The following USP48 variants were observed in gnomAD, a reference collection of about 807,000 sequenced individuals.
USP48 encodes ubiquitin specific peptidase 48.
A neutral mutation model predicts 150.7 loss-of-function variants in USP48; 43 were observed. The ratio of observed to expected loss-of-function variants is 0.29; its 90% CI spans 0.22 to 0.37. The LOEUF is 0.37. USP48 is among the 10% of genes least tolerant of loss of function. USP48 has a pLI of 1.00. For missense variants in USP48, 813 were observed against 1,249.6 expected (o/e 0.65, Z 5.27); for synonymous variants, 396 against 425.9 (o/e 0.93, Z 0.86).
intron 6 of USP48, among the ~76,000 whole-genome samples, chr1:21,751,141 C>G (rs1031686572): frequency 6.6e-6 from 1 of 152,078 alleles, no homozygotes; most frequent in African/African-American, 2.4e-5. Context: ...GCAGAATGAC[C>G]ATATCAATGT....
Position 21,687,212 on chromosome 1 carries a change from C to A in USP48, c.3037G>T (p.Ala1013Ser), listed in dbSNP as rs1273091851. The change falls in exon 25 of 27, where the codon GCA becomes TCA. Residue 1013 changes from alanine (A) to serine (S), a missense_variant. Coordinates refer to ENST00000308271, the MANE Select transcript of USP48 (RefSeq NM_032236.8). Reference protein sequence around the residue: ...KADEPIADYAAMDDVMQVCMP... With the variant: ...KADEPIADYASMDDVMQVCMP... ...TTACCTTGCATGACATCATCCATTG[C>A]AGCATAATCTGCAATTGGTTCATCA... 1.2e-6 allele frequency: 2 copies of A among 1,613,102 alleles called. No homozygotes were observed. Among genetic ancestry groups the A allele is most frequent in the Admixed American group, 1.7e-5 (1 of 59,960 alleles).
chr1:21,759,590 C>G (rs1368081439), intron 1 of USP48, among the ~76,000 whole-genome samples: 1 of 152,126 alleles, frequency 6.6e-6, no homozygotes, highest in African/African-American at 2.4e-5. Flanking sequence ...AAATGATGTA[C>G]TGAAAGATGG....
intron 4 of USP48, 120 bp downstream of exon 4, chr1:21,752,872 A>T (rs2097820171): frequency 7.4e-7 from 1 of 1,357,500 alleles, no homozygotes; most frequent in Non-Finnish European, 9.8e-7. Context: ...AAAGGTTTTC[A>T]TTCAAAATAG....
rs1021966178 is a variant in USP48 at position 21,720,808 on chromosome 1, G to A, written c.1894+228C>T. Among the ~76,000 whole-genome samples, 11 of 151,960 alleles carry A rather than the reference G, an allele frequency of 7.2e-5. 1 individual carries two copies. The highest frequency in any genetic ancestry group is 5.9e-4 in the Admixed American group (9 of 15,250). ...GGCCTCCTAAAGTGCTGGGATTATA[G>A]GCATGAACCACCGCACCCAGACTAA... On this transcript the variant is annotated intron_variant, in intron 14 of 26. Transcript: ENST00000308271.
intron 23 of USP48, among the ~76,000 whole-genome samples, chr1:21,692,027 C>G (rs2097603053): frequency 6.6e-6 from 1 of 152,092 alleles, no homozygotes; most frequent in Admixed American, 6.5e-5. Flanking sequence ...TGTAACAGGG[C>G]CCAAGAGCTT....
At chr1:21,758,146 T>C (rs1449366959) in intron 1 of USP48, among the ~76,000 whole-genome samples, 1 of 149,596 alleles carries the variant, frequency 6.7e-6, no homozygotes, top group East Asian at 2.0e-4. Context: ...AAATAGACAA[T>C]ATGGTACATC....
chr1:21,697,266 AGT>A (rs2097637171), intron 22 of USP48, among the ~76,000 whole-genome samples: 1 of 151,958 alleles, frequency 6.6e-6, no homozygotes, highest in African/African-American at 2.4e-5. Context: ...TAGGCAACTG[AGT>A]GATTCTAAGA....
chr1:21,679,277 T>C lies in USP48; in HGVS notation c.*140A>G. The C allele has an allele frequency of 9.7e-7, 1 of 1,030,862 alleles. No homozygotes were observed. Among genetic ancestry groups the C allele is most frequent in the Non-Finnish European group, 1.5e-6 (1 of 664,460 alleles). 63.9% of individuals were successfully genotyped at this position (1,030,862 alleles called of 1,614,324 possible). The stretch of plus-strand genomic sequence containing the variant: ...ATTTGACATAAGGCATTTGGGACAG[T>C]CACGTTTGAATGGATTTCTGCCTTT... On this transcript the variant is annotated 3_prime_UTR_variant, in exon 27 of 27. Coordinates refer to ENST00000308271, the MANE Select transcript of USP48 (RefSeq NM_032236.8).
At chr1:21,762,370 G>A (rs1280363492) in intron 1 of USP48, among the ~76,000 whole-genome samples, 1 of 152,116 alleles carries the variant, frequency 6.6e-6, no homozygotes, top group Non-Finnish European at 1.5e-5. Context: ...AGGTTCTTTC[G>A]AAAGAAAATT....
intron 12 of USP48, among the ~76,000 whole-genome samples, chr1:21,722,896 G>A (rs1381612620): frequency 6.6e-6 from 1 of 152,114 alleles, no homozygotes; most frequent in Non-Finnish European, 1.5e-5. Context: ...GTGTTTAACA[G>A]AAGGCCTGCA....
chr1:21,679,405 A>G lies in USP48; in HGVS notation c.*12T>C, dbSNP rs2097559181. On this transcript the variant is annotated 3_prime_UTR_variant, in exon 27 of 27. Transcript: ENST00000308271. ...TCTGGTCATTTCTTAGCAGTCAGCA[A>G]GTATTCAAAGATTAATGTCCAAGAA... 1 of 1,614,024 alleles carries G rather than the reference A, an allele frequency of 6.2e-7. No homozygotes were observed. Among genetic ancestry groups the G allele is most frequent in the African/African-American group, 1.3e-5 (1 of 74,940 alleles).
At chr1:21,740,037 G>A (rs1440917978) in intron 8 of USP48, among the ~76,000 whole-genome samples, 12 of 152,322 alleles carry the variant, frequency 7.9e-5, no homozygotes, top group African/African-American at 2.4e-4. Flanking sequence ...TCAGCTTCCC[G>A]AGTAGCTGGG....
At chr1:21,757,228 G>A (rs2097838814) in intron 2 of USP48, among the ~76,000 whole-genome samples, 1 of 151,636 alleles carries the variant, frequency 6.6e-6, no homozygotes, top group Admixed American at 6.6e-5. Context: ...TAACAAACTT[G>A]GATATTTCGT....
chr1:21,752,572 T>C lies in USP48; in HGVS notation c.620A>G (p.Asn207Ser), dbSNP rs2097819310. The change falls in exon 5 of 27, where the codon AAT becomes AGT. Residue 207 changes from asparagine to serine, a missense_variant. Coordinates refer to ENST00000308271, the MANE Select transcript of USP48 (RefSeq NM_032236.8). The stretch of plus-strand genomic sequence containing the variant: ...TCCACAGAACTGCTGTTGAACAATA[T>C]TGCGCACATCTGGATTCTTTTGTTT... ...LSKQKNPDVR[N>S]IVQQQFCGEY... 1 of 1,613,412 alleles carries C rather than the reference T, an allele frequency of 6.2e-7. No homozygotes were observed. The highest frequency in any genetic ancestry group is 1.7e-5 in the Admixed American group (1 of 59,734).
chr1:21,701,576 C>A lies in USP48; in HGVS notation c.2649G>T (p.Leu883=). 6.2e-7 allele frequency: 1 copy of A among 1,613,892 alleles called. No individual in the cohort carries two copies. Among genetic ancestry groups the A allele is most frequent in the South Asian group, 1.1e-5 (1 of 91,062 alleles). ...CCTCTGTTTCAGAACTACTCACATT[C>A]AGTTCCGGAGCCGAATCCTTCATCA... ...KKVMKDSAPE[L]NVSSSETEED... is the part of the protein sequence containing the mutation. The change falls in exon 22 of 27, where the codon CTG becomes CTT. Residue 883 remains leucine (L), a synonymous_variant. Transcript: ENST00000308271.
At chr1:21,715,749 G>A (rs1330052862) in intron 14 of USP48, among the ~76,000 whole-genome samples, 2 of 152,088 alleles carry the variant, frequency 1.3e-5, no homozygotes, top group Admixed American at 6.5e-5. Flanking sequence ...TCAAAGTATC[G>A]AGAATACTGT....
chr1:21,730,888 G>A (rs1338499956), intron 9 of USP48, among the ~76,000 whole-genome samples: 1 of 151,314 alleles, frequency 6.6e-6, no homozygotes. Context: ...AGCCTCTCAA[G>A]TAGCTGGGAT....
intron 25 of USP48, among the ~76,000 whole-genome samples, chr1:21,682,786 A>T (rs1304105299): frequency 6.6e-6 from 1 of 151,956 alleles, no homozygotes; most frequent in Non-Finnish European, 1.5e-5. Context: ...GAGGCAGAAG[A>T]ATCGCTTGAA....
At chr1:21,747,010 G>A (rs866767562) in intron 8 of USP48, 57 bp downstream of exon 8, 4 of 1,358,274 alleles carry the variant, frequency 2.9e-6, no homozygotes, top group African/African-American at 1.5e-5. Flanking sequence ...ATCACAAGCC[G>A]ATCACAAGTT....
Sources: allele counts gnomAD v4.1 joint callset (sites outside exome capture counted in the v4.1 genomes callset), GRCh38; gene constraint gnomAD v4.1.1; transcripts MANE v1.5; gene names NCBI Gene and HGNC (gene_info 2026-07-23, HGNC 2026-07-21).